Variants in INPP4B observed in about 807,000 individuals in gnomAD.
INPP4B encodes the protein inositol polyphosphate 4-phosphatase type II.
A neutral mutation model predicts 122.5 loss-of-function variants in INPP4B; 55 were observed. That is an observed-to-expected ratio of 0.45 (90% CI 0.36 to 0.56). The LOEUF (loss-of-function observed/expected upper bound fraction) is 0.56. Ranked by LOEUF, INPP4B falls within the 20% of genes least tolerant of loss-of-function variation. The pLI is 0.00. For missense variants in INPP4B, 1,000 were observed against 1,097.7 expected, an observed-to-expected ratio of 0.91 and a Z score of 1.26; for synonymous variants, 403 against 388.7, an observed-to-expected ratio of 1.04 and a Z score of -0.43.
intron 2 of INPP4B, among the ~76,000 whole-genome samples, chr4:142,521,655 T>C (rs1475409885): frequency 6.6e-6 from 1 of 152,060 alleles, no homozygotes; most frequent in East Asian, 1.9e-4. Context: ...AGATTACCAG[T>C]AGTCTGAAAT....
intron 2 of INPP4B, among the ~76,000 whole-genome samples, chr4:142,631,159 C>G (rs114589220): frequency 0.014 from 2,059 of 152,072 alleles, 36 homozygotes; most frequent in African/African-American, 0.039. Context: ...CCTCCAGATA[C>G]CAGGATAGAT....
chr4:142,720,842 T>G (rs1231303602), intron 2 of INPP4B, among the ~76,000 whole-genome samples: 1 of 124,110 alleles, frequency 8.1e-6, no homozygotes, highest in East Asian at 2.4e-4. Context: ...TTTCTTATTT[T>G]TTATTTTTTG....
At chr4:142,623,418 G>A (rs1580531783) in intron 2 of INPP4B, among the ~76,000 whole-genome samples, 1 of 151,924 alleles carries the variant, frequency 6.6e-6, no homozygotes, top group East Asian at 2.0e-4. Flanking sequence ...GACACCTTTT[G>A]GCAATATCTT....
At chr4:142,594,138 A>G (rs1738155867) in intron 2 of INPP4B, among the ~76,000 whole-genome samples, 1 of 152,206 alleles carries the variant, frequency 6.6e-6, no homozygotes, top group South Asian at 2.1e-4. Flanking sequence ...ATTCCATTTA[A>G]CTCAAGCATT....
chr4:142,556,835 C>T (rs1335194739), intron 2 of INPP4B, among the ~76,000 whole-genome samples: 1 of 152,108 alleles, frequency 6.6e-6, no homozygotes, highest in Non-Finnish European at 1.5e-5. Context: ...GGGAAAGTAT[C>T]GATTGCAGTT....
intron 2 of INPP4B, among the ~76,000 whole-genome samples, chr4:142,545,756 C>CAT (rs1829525771): frequency 1.3e-5 from 1 of 74,752 alleles, no homozygotes; most frequent in African/African-American, 3.9e-5. Context: ...TATATATACA[C>CAT]ATGTATATGT....
At chr4:142,129,812 T>C (rs1032055303) in intron 18 of INPP4B, among the ~76,000 whole-genome samples, 1 of 152,230 alleles carries the variant, frequency 6.6e-6, no homozygotes, top group African/African-American at 2.4e-5. Context: ...TAATAAATGC[T>C]AATGTGTCTT....
chr4:142,804,056 CATAAATAAATAAATAA>C (rs369611706), intron 1 of INPP4B, among the ~76,000 whole-genome samples: 59 of 141,740 alleles, frequency 4.2e-4, no homozygotes, highest in East Asian at 9.9e-4. Flanking sequence ...GAGACTCCAT[CATAAATAAATAAATAA>C]ATAAATAAAT....
At chr4:142,496,061 ATTTATTCAGTTTTTGTAG>A (rs1005602621) in intron 2 of INPP4B, among the ~76,000 whole-genome samples, 1 of 152,048 alleles carries the variant, frequency 6.6e-6, no homozygotes, top group African/African-American at 2.4e-5. Flanking sequence ...GATTTTTGTA[ATTTATTCAGTTTTTGTAG>A]TTTAATCAGC....
chr4:142,387,516 T>G (rs1257165108), intron 7 of INPP4B, among the ~76,000 whole-genome samples: 1 of 151,678 alleles, frequency 6.6e-6, no homozygotes, highest in East Asian at 1.9e-4. Context: ...AGATTTTCTT[T>G]TGTGTTGCGT....
At chr4:142,624,460 G>A (rs1745811320) in intron 2 of INPP4B, among the ~76,000 whole-genome samples, 1 of 151,848 alleles carries the variant, frequency 6.6e-6, no homozygotes, top group African/African-American at 2.4e-5. Flanking sequence ...TGTAGATGCT[G>A]GATATTAGCC....
intron 23 of INPP4B, among the ~76,000 whole-genome samples, chr4:142,092,580 C>T (rs542061114): frequency 1.2e-3 from 190 of 152,292 alleles, no homozygotes; most frequent in African/African-American, 4.3e-3. Context: ...CATGAGCCAC[C>T]GTGCCCATCC....
In INPP4B at chr4:142,211,861, C is replaced by T. The variant is rs114803163; in HGVS notation, c.837-2835G>A. On this transcript the variant is annotated intron_variant, in intron 12 of 25. Transcript: ENST00000262992. ...TGGGTGTGTCCCTATCTCACAGTTGCCAAAACTACTGTGAATCCTTCCATG... is the reference window on the plus strand; with the variant it reads ...TGGGTGTGTCCCTATCTCACAGTTGTCAAAACTACTGTGAATCCTTCCATG... 6.4e-3 allele frequency among the ~76,000 whole-genome samples: 980 copies of T among 152,208 alleles called. 5 individuals carry two copies. The highest frequency in any genetic ancestry group is 0.023 in the African/African-American group (944 of 41,524).
intron 9 of INPP4B, among the ~76,000 whole-genome samples, chr4:142,272,108 C>T (rs934781256): frequency 6.6e-6 from 1 of 152,108 alleles, no homozygotes; most frequent in Non-Finnish European, 1.5e-5. Flanking sequence ...TCACATCTTT[C>T]ATGAAATTTG....
chr4:142,513,685 G>T (rs1825043775), intron 2 of INPP4B, among the ~76,000 whole-genome samples: 1 of 152,184 alleles, frequency 6.6e-6, no homozygotes, highest in South Asian at 2.1e-4. Context: ...GGGATTACAG[G>T]CATGAGCCAC....
At chr4:142,167,324 T>C (rs1258775428) in intron 16 of INPP4B, among the ~76,000 whole-genome samples, 52 of 151,922 alleles carry the variant, frequency 3.4e-4, no homozygotes, top group Non-Finnish European at 5.9e-5. Context: ...TTCTCACTTA[T>C]AAGTGGGAGT....
intron 25 of INPP4B, among the ~76,000 whole-genome samples, chr4:142,069,903 G>T (rs1030541616): frequency 2.0e-5 from 3 of 152,110 alleles, no homozygotes; most frequent in Non-Finnish European, 4.4e-5. Context: ...TCTACCAGAG[G>T]TACAAACAGG....
At chr4:142,663,989 G>A (rs541815585) in intron 2 of INPP4B, among the ~76,000 whole-genome samples, 1 of 152,280 alleles carries the variant, frequency 6.6e-6, no homozygotes, top group African/African-American at 2.4e-5. Context: ...AAATGTATCA[G>A]AGGAATGACT....
chr4:142,310,729 C>T (rs1210530734), intron 8 of INPP4B, among the ~76,000 whole-genome samples: 1 of 149,654 alleles, frequency 6.7e-6, no homozygotes, highest in Non-Finnish European at 1.5e-5. Context: ...TTATTTCCTA[C>T]CCCATAGGAA....
Sources: gnomAD v4.1 joint callset for allele counts (sites outside exome capture counted in the v4.1 genomes callset) on GRCh38, gnomAD v4.1.1 for gene constraint, MANE v1.5 for transcripts, NCBI Gene and HGNC (gene_info 2026-07-23, HGNC 2026-07-21) for gene names.